The following CCDC88C variants were observed in gnomAD, a reference collection of about 807,000 sequenced individuals.
CCDC88C encodes coiled-coil and HOOK domain protein 88C.
A neutral mutation model predicts 198.8 loss-of-function variants in CCDC88C; 131 were observed. The ratio of observed to expected loss-of-function variants is 0.66; its 90% confidence interval spans 0.57 to 0.76. CCDC88C has a LOEUF of 0.76. Among genes scored for constraint, CCDC88C ranks in the 30% least tolerant of loss-of-function variants. The pLI is 0.00. For missense variants in CCDC88C, 2,553 were observed against 2,631.6 expected (o/e 0.97, Z 0.65); for synonymous variants, 1,166 against 1,114.7 (o/e 1.05, Z -0.92).
rs1567055575 is a variant in CCDC88C at position 91,293,506 on chromosome 14, C to CA, written c.4112+666_4112+667insT. Among the ~76,000 whole-genome samples, 12 of 121,548 alleles carry CA rather than the reference C, an allele frequency of 9.9e-5. 4 individuals carry two copies. The highest frequency in any genetic ancestry group is 2.9e-4 in the African/African-American group (9 of 31,544). 79.7% of individuals were successfully genotyped at this position (121,548 alleles called of 152,430 possible). On this transcript the variant is annotated intron_variant, in intron 23 of 29. Transcript: ENST00000389857. Reference sequence around the variant, plus strand: ...CTCACCTTCCCATCCTCACCTGCCACGGCCTACCTTCCTGTCCCCTCACCT... The same window carrying CA: ...CTCACCTTCCCATCCTCACCTGCCACAGGCCTACCTTCCTGTCCCCTCACCT...
At position 91,297,333 on chromosome 14, in the gene CCDC88C, G is replaced by GA; in HGVS notation, c.3937dup (p.Ser1313PhefsTer10). 6.2e-7 allele frequency: 1 copy of GA among 1,613,664 alleles called. No homozygotes were observed. The highest frequency in any genetic ancestry group is 8.5e-7 in the Non-Finnish European group (1 of 1,179,780). ...ACAGTGGTTGTCCAGCTTGGTCAGC[G>GA]AGATGTCCATGGTCTGGTGCTGCTC... is the stretch of plus-strand genomic sequence containing the variant. On this transcript the variant is annotated frameshift_variant, in exon 22 of 30. Transcript: ENST00000389857. LOFTEE classifies it high-confidence loss of function.
At position 91,379,946 on chromosome 14, in the gene CCDC88C, T is replaced by C. The variant is rs533555676; in HGVS notation, c.271-20235A>G. On this transcript the variant is annotated intron_variant, in intron 3 of 29. Coordinates refer to ENST00000389857, the MANE Select transcript of CCDC88C (RefSeq NM_001080414.4). ...AGGCGTTTGGGGGCTGAATACAGGC[T>C]CACTACGGGGATATCGAAAGGGGTA... The C allele has an allele frequency of 6.5e-5, 46 of 702,752 alleles. No individual in the cohort carries two copies. The East Asian group carries it at 1.2e-3, about 19-fold the overall frequency. The allele number at this position is 702,752 out of a possible 1,614,324, so 43.5% of individuals were successfully genotyped here.
Position 91,273,252 on chromosome 14 carries a change from G to A in CCDC88C, c.5460C>T (p.Ala1820=), listed in dbSNP as rs1008377572. Reference sequence around the variant, plus strand: ...GCTTCTGAGGGGACTCCTGTTTGCAGGCCTCTGGCCCGCTGGCCCGGAGAA... The same window carrying A: ...GCTTCTGAGGGGACTCCTGTTTGCAAGCCTCTGGCCCGCTGGCCCGGAGAA... The part of the protein sequence containing the change: ...ADLLRASGPE[A]CKQESPQKLG... The change falls in exon 30 of 30, where the codon GCC becomes GCT. Residue 1820 remains alanine, a synonymous_variant. Transcript: ENST00000389857. The surrounding 1 kb of genome is among the most constrained non-coding windows in gnomAD (Gnocchi z 5.6). 3.7e-5 allele frequency: 58 copies of A among 1,559,286 alleles called. No individual in the cohort carries two copies. Among genetic ancestry groups the A allele is most frequent in the Non-Finnish European group, 4.8e-5 (55 of 1,151,574 alleles).
chr14:91,375,287 G>T (rs1884331441), intron 3 of CCDC88C, among the ~76,000 whole-genome samples: 2 of 152,144 alleles, frequency 1.3e-5, no homozygotes, highest in African/African-American at 4.8e-5. Flanking sequence ...GCGCGCATGT[G>T]GGAGAGAGAG....
chr14:91,314,208 A>G (rs868034199), intron 14 of CCDC88C, 58 bp from the exon 15 acceptor site: 1 of 1,377,558 alleles, frequency 7.3e-7, no homozygotes, highest in Middle Eastern at 1.8e-4. Context: ...TTTCAGTGAC[A>G]TGGGCTCACA....
chr14:91,318,527 G>A (rs1159211203), intron 13 of CCDC88C, among the ~76,000 whole-genome samples: 1 of 152,202 alleles, frequency 6.6e-6, no homozygotes, highest in Non-Finnish European at 1.5e-5. Flanking sequence ...CAGCTCAAAC[G>A]CTGCAAGGCA....
Position 91,325,392 on chromosome 14 carries a change from T to C in CCDC88C, c.1198-469A>G, listed in dbSNP as rs1892540161. On this transcript the variant is annotated intron_variant, in intron 11 of 29. Coordinates refer to ENST00000389857, the MANE Select transcript of CCDC88C (RefSeq NM_001080414.4). The surrounding 1 kb of genome is among the most constrained non-coding windows in gnomAD (Gnocchi z 4.1). ...AAAGCAATACAGAAGTCAAGTGCTC[T>C]GTTTGTGGGTGTTAAGTGGCACCCG... 6.6e-6 allele frequency among the ~76,000 whole-genome samples: 1 copy of C among 152,116 alleles called. No homozygotes were observed. The highest frequency in any genetic ancestry group is 1.5e-5 in the Non-Finnish European group (1 of 68,020).
intron 25 of CCDC88C, 154 bp from the exon 26 acceptor site, chr14:91,283,671 G>A (rs1001977948): frequency 8.6e-6 from 6 of 699,212 alleles, no homozygotes; most frequent in Admixed American, 5.6e-5. Flanking sequence ...CTTAAATGGG[G>A]CCTGGCGGGG....
At chr14:91,367,468 C>T (rs548045868) in intron 3 of CCDC88C, among the ~76,000 whole-genome samples, 1 of 152,334 alleles carries the variant, frequency 6.6e-6, no homozygotes, top group African/African-American at 2.4e-5. Flanking sequence ...CACCTCTAGA[C>T]ACCGTCTTCC....
chr14:91,317,636 C>T (rs577621301), intron 13 of CCDC88C, among the ~76,000 whole-genome samples: 1 of 152,308 alleles, frequency 6.6e-6, no homozygotes, highest in Non-Finnish European at 1.5e-5. Flanking sequence ...TCAGGGCAGG[C>T]CAAGGACGAG....
In CCDC88C at chr14:91,314,024, T is replaced by G; in HGVS notation, c.1792A>C (p.Thr598Pro). 6.2e-7 allele frequency: 1 copy of G among 1,613,902 alleles called. No individual in the cohort carries two copies. The highest frequency in any genetic ancestry group is 2.2e-5 in the East Asian group (1 of 44,876). Residue 598 changes from threonine to proline, a missense_variant, in exon 15 of 30, where the codon ACG becomes CCG. By Grantham distance (38) the Thr-to-Pro change is conservative. Coordinates refer to ENST00000389857, the MANE Select transcript of CCDC88C (RefSeq NM_001080414.4). ...VEKENKALHQ[T>P]VTEANGKLSQ... is the part of the protein sequence containing the mutation. ...AGCTTGCCATTGGCCTCCGTCACCGTCTGGTGGAGGGCTTTGTTCTCCTTC... is the reference window on the plus strand; with the variant it reads ...AGCTTGCCATTGGCCTCCGTCACCGGCTGGTGGAGGGCTTTGTTCTCCTTC...
Position 91,339,091 on chromosome 14 carries a change from C to T in CCDC88C, c.809+187G>A. On this transcript the variant is annotated intron_variant, in intron 8 of 29. Transcript: ENST00000389857. The surrounding 1 kb of genome is among the most constrained non-coding windows in gnomAD (Gnocchi z 5.8). ...ACCGGGAAGAATCCCCGCCCCCATC[C>T]CTGTGCAGGCCTCAGAAGGGGAGGC... 2 of 706,880 alleles carry T rather than the reference C, an allele frequency of 2.8e-6. No individual in the cohort carries two copies. Among genetic ancestry groups the T allele is most frequent in the East Asian group, 2.7e-5 (1 of 36,872 alleles). 43.8% of individuals were successfully genotyped at this position (706,880 alleles called of 1,614,324 possible).
intron 20 of CCDC88C, among the ~76,000 whole-genome samples, chr14:91,301,096 C>T (rs1250670643): frequency 6.6e-6 from 1 of 152,214 alleles, no homozygotes; most frequent in African/African-American, 2.4e-5. Flanking sequence ...AACTGTAGGG[C>T]AGAAACTTTA....
intron 5 of CCDC88C, among the ~76,000 whole-genome samples, chr14:91,343,208 T>C (rs1485183893): frequency 6.6e-6 from 1 of 152,152 alleles, no homozygotes; most frequent in Non-Finnish European, 1.5e-5. Flanking sequence ...CTCCCCCACC[T>C]CAGCCTCCCA....
chr14:91,346,282 G>A (rs148819877), intron 4 of CCDC88C, among the ~76,000 whole-genome samples: 2,122 of 152,248 alleles, frequency 0.014, 58 homozygotes, highest in African/African-American at 0.048. Flanking sequence ...AACACACCCC[G>A]CCCCCCAGCC....
At chr14:91,274,297 A>G (rs1889867699) in intron 29 of CCDC88C, among the ~76,000 whole-genome samples, 1 of 152,202 alleles carries the variant, frequency 6.6e-6, no homozygotes, top group Non-Finnish European at 1.5e-5. Context: ...TGAAGACACC[A>G]GGAAGGCCCA....
chr14:91,324,088 G>A (rs1011491648), intron 12 of CCDC88C, among the ~76,000 whole-genome samples: 7 of 152,266 alleles, frequency 4.6e-5, no homozygotes, highest in African/African-American at 1.2e-4. Flanking sequence ...GCACGGGAAC[G>A]GTGAGCGTGT....
intron 4 of CCDC88C, among the ~76,000 whole-genome samples, chr14:91,351,482 C>T (rs1008094444): frequency 1.3e-5 from 2 of 152,154 alleles, no homozygotes; most frequent in African/African-American, 4.8e-5. Context: ...CCGAGGAATA[C>T]TCAAGGTGGA....
At chr14:91,364,490 C>T (rs1233307887) in intron 3 of CCDC88C, among the ~76,000 whole-genome samples, 1 of 152,132 alleles carries the variant, frequency 6.6e-6, no homozygotes, top group Non-Finnish European at 1.5e-5. Flanking sequence ...CCACTGGTGT[C>T]CCTAGGGGTT....
Sources: allele counts gnomAD v4.1 joint callset (sites outside exome capture counted in the v4.1 genomes callset), GRCh38; gene constraint gnomAD v4.1.1; non-coding constraint Gnocchi (gnomAD v3.1); transcripts MANE v1.5; gene names NCBI Gene and HGNC (gene_info 2026-07-23, HGNC 2026-07-21).